The following NBPF9 variants were observed in gnomAD, a reference collection of about 807,000 sequenced individuals.
NBPF9 encodes the protein NBPF family member NBPF9.
NBPF9 carries 91 observed loss-of-function variants against 97.8 expected under a neutral mutation model. The ratio of observed to expected loss-of-function variants is 0.93; its 90% confidence interval spans 0.79 to 1.11. The LOEUF (loss-of-function observed/expected upper bound fraction) is 1.11, where lower values mean the gene tolerates loss of function less well. NBPF9 is among the 50% of genes least tolerant of loss of function. NBPF9 has a pLI of 0.00. For missense variants in NBPF9, 992 were observed against 939.5 expected (o/e 1.06, Z -0.73); for synonymous variants, 334 against 359.5 (o/e 0.93, Z 0.80).
At chr1:149,070,187 G>A (rs1232824389) in intron 16 of NBPF9, among the ~76,000 whole-genome samples, 2 of 150,842 alleles carry the variant, frequency 1.3e-5, no homozygotes, top group Non-Finnish European at 2.9e-5. Flanking sequence ...CAGATGTGAT[G>A]TTGTGCACCT....
intron 4 of NBPF9, among the ~76,000 whole-genome samples, chr1:149,097,188 G>GGGAA (rs1215034689): frequency 1.6e-4 from 24 of 151,174 alleles, no homozygotes; most frequent in African/African-American, 5.6e-4. Context: ...GAGAGAAGTA[G>GGGAA]GGAAGGAAGG....
Position 149,096,025 on chromosome 1 carries a change from T to G in NBPF9, c.-337+2413A>C, listed in dbSNP as rs1289711819. 4.5e-4 allele frequency among the ~76,000 whole-genome samples: 69 copies of G among 152,070 alleles called. No individual in the cohort carries two copies. In the Middle Eastern group the frequency reaches 0.01, roughly 22 times the overall value. On this transcript the variant is annotated intron_variant, in intron 4 of 29. Transcript: ENST00000584027. The stretch of plus-strand genomic sequence containing the variant: ...AGCCATACAATGAAATCTGATTCAG[T>G]GATTTTACAAAACAAGCTGTCAAGT...
exon 4 of NBPF9, chr1:149,098,502 G>A (rs1488801319): frequency 7.1e-5 from 109 of 1,525,016 alleles, no homozygotes; most frequent in Non-Finnish European, 9.1e-5. Flanking sequence ...TGCACCGAAT[G>A]GGGAAGTTTC....
chr1:149,073,106 C>T lies in NBPF9; in HGVS notation c.1092-174G>A, dbSNP rs587608974. 6.7e-5 allele frequency among the ~76,000 whole-genome samples: 10 copies of T among 149,408 alleles called. No homozygotes were observed. The East Asian group carries it at 2.0e-3, about 29-fold the overall frequency. On this transcript the variant is annotated intron_variant, in intron 13 of 29. Transcript: ENST00000584027. ...GAAAGAATAGAAAATGGTTTACAGG[C>T]TTCCTCTGTATCAGAGAGGGCTCCT...
intron 5 of NBPF9, among the ~76,000 whole-genome samples, chr1:149,082,766 T>G (rs1188371483): frequency 4.0e-5 from 6 of 148,440 alleles, no homozygotes; most frequent in Non-Finnish European, 7.5e-5. Flanking sequence ...TCATTTAGTA[T>G]GTTCTCTTGT....
intron 4 of NBPF9, among the ~76,000 whole-genome samples, chr1:149,097,139 AAG>A (rs1281835703): frequency 6.0e-5 from 9 of 151,232 alleles, no homozygotes; most frequent in African/African-American, 1.2e-4. Context: ...GGAAAGAATA[AAG>A]AGAGAGAGAA....
intron 11 of NBPF9, among the ~76,000 whole-genome samples, chr1:149,076,681 T>G (rs1325139377): frequency 6.8e-6 from 1 of 146,612 alleles, no homozygotes; most frequent in Admixed American, 6.8e-5. Context: ...TTTTTTTTTT[T>G]GCATTTTTAG....
At chr1:149,077,635 T>G (rs2080008604) in intron 10 of NBPF9, among the ~76,000 whole-genome samples, 1 of 152,216 alleles carries the variant, frequency 6.6e-6, no homozygotes. Flanking sequence ...TGGTGTTCAG[T>G]GCACTGGACA....
intron 24 of NBPF9, 163 bp downstream of exon 24, chr1:149,060,360 G>T: frequency 4.3e-6 from 2 of 468,278 alleles, no homozygotes; most frequent in South Asian, 4.8e-5. Context: ...CCCTCATCTG[G>T]GCTTCCAGGT....
intron 29 of NBPF9, among the ~76,000 whole-genome samples, chr1:149,056,306 T>C (rs2078239169): frequency 2.4e-5 from 3 of 126,726 alleles, no homozygotes; most frequent in Admixed American, 8.5e-5. Context: ...TTTTGAAGTA[T>C]GGTCAACCTA....
intron 11 of NBPF9, 38 bp from the exon 12 acceptor site, chr1:149,075,902 A>G (rs1553654201): frequency 1.2e-6 from 1 of 844,734 alleles, no homozygotes; most frequent in Non-Finnish European, 2.0e-6. Flanking sequence ...TGGGTTAAAA[A>G]CTGGTGAAAT....
chr1:149,101,923 CTTTTT>C (rs1229722249), intron 2 of NBPF9, among the ~76,000 whole-genome samples: 5 of 80,648 alleles, frequency 6.2e-5, no homozygotes, highest in African/African-American at 1.0e-4. Flanking sequence ...ATTACCTGTA[CTTTTT>C]TTTTTTTTTT....
At chr1:149,071,239 G>C in intron 15 of NBPF9, 100 bp from the exon 16 acceptor site, 2 of 1,260,700 alleles carry the variant, frequency 1.6e-6, no homozygotes, top group Non-Finnish European at 2.3e-6. Flanking sequence ...TTAAGAGAGT[G>C]GTCCCAGAAA....
chr1:149,068,338 G>T (rs1282757075), intron 17 of NBPF9, among the ~76,000 whole-genome samples: 3 of 151,092 alleles, frequency 2.0e-5, no homozygotes, highest in Non-Finnish European at 2.9e-5. Context: ...TGGCAAATTG[G>T]ATAAAGAGTC....
At chr1:149,095,557 A>C (rs2081693317) in intron 4 of NBPF9, among the ~76,000 whole-genome samples, 1 of 148,252 alleles carries the variant, frequency 6.7e-6, no homozygotes, top group African/African-American at 2.5e-5. Flanking sequence ...ATATTTACAA[A>C]ATAATCTGAT....
rs1342669602 is a variant in NBPF9, at chr1:149,095,462, T to C, written c.-337+2976A>G. On this transcript the variant is annotated intron_variant, in intron 4 of 29. Transcript: ENST00000584027. ...ATCTACTAATGAAAAAAAAATTAAG[T>C]TGAGCCTCATTAAAATTAAAAACTT... Among the ~76,000 whole-genome samples the C allele has an allele frequency of 5.7e-4, 84 of 146,336 alleles. No homozygotes were observed. In the Middle Eastern group the frequency reaches 0.01, roughly 18 times the overall value.
Position 149,073,736 on chromosome 1 carries a change from C to T in NBPF9, c.1091+32G>A, listed in dbSNP as rs1378461455. 3.9e-5 allele frequency: 59 copies of T among 1,520,498 alleles called. 2 individuals are homozygous for T. The highest frequency in any genetic ancestry group is 4.7e-4 in the Middle Eastern group (2 of 4,284). The allele number at this position is 1,520,498 out of a possible 1,614,324, so 94.2% of individuals were successfully genotyped here. ...TGTACTTCAGAGATTTACACACCTG[C>T]CCCCCTGCCTGCCCCCATGGGGTCC... On this transcript the variant is annotated intron_variant, in intron 13 of 29. Transcript: ENST00000584027.
At chr1:149,098,183 G>A (rs2081917667) in intron 4 of NBPF9, among the ~76,000 whole-genome samples, 1 of 151,838 alleles carries the variant, frequency 6.6e-6, no homozygotes, top group South Asian at 2.1e-4. Flanking sequence ...TAGCTACTAA[G>A]GAAAAGTCCT....
intron 17 of NBPF9, among the ~76,000 whole-genome samples, chr1:149,067,110 A>G (rs2079074462): frequency 8.1e-6 from 1 of 123,358 alleles, no homozygotes; most frequent in Admixed American, 7.9e-5. Context: ...AGATTCACCA[A>G]GGTTGAAATG....
Sources: allele counts gnomAD v4.1 joint callset (sites outside exome capture counted in the v4.1 genomes callset), GRCh38; gene constraint gnomAD v4.1.1; transcripts MANE v1.5; gene names NCBI Gene and HGNC (gene_info 2026-07-23, HGNC 2026-07-21).